The following RPTOR variants were observed in gnomAD, a reference collection of about 807,000 sequenced individuals.
RPTOR encodes the protein regulatory-associated protein of mTOR.
A neutral mutation model predicts 169.9 loss-of-function variants in RPTOR; 21 were observed. The ratio of observed to expected loss-of-function variants is 0.12; its 90% CI spans 0.09 to 0.18. The LOEUF (loss-of-function observed/expected upper bound fraction) is 0.18. Ranked by LOEUF, RPTOR falls within the 10% of genes least tolerant of loss-of-function variation. The pLI, the probability that RPTOR is intolerant of heterozygous loss-of-function variation, is 1.00. For synonymous variants in RPTOR, 732 were observed against 753.2 expected (o/e 0.97, Z 0.46); for missense variants, 1,133 against 1,855.9 (o/e 0.61, Z 7.16).
intron 1 of RPTOR, among the ~76,000 whole-genome samples, chr17:80,574,475 TTTCTTTTTGAG>T (rs1244894100): frequency 6.6e-6 from 1 of 152,010 alleles, no homozygotes. Flanking sequence ...CGGTTTTTTT[TTTCTTTTTGAG>T]TCAGTTTTGG....
intron 7 of RPTOR, among the ~76,000 whole-genome samples, chr17:80,816,673 A>G (rs530884794): frequency 1.6e-4 from 25 of 152,278 alleles, no homozygotes; most frequent in African/African-American, 5.8e-4. Flanking sequence ...AAGAAAGGCA[A>G]GGCTGGCCAG....
intron 6 of RPTOR, among the ~76,000 whole-genome samples, chr17:80,755,178 T>C (rs908800197): frequency 1.3e-5 from 2 of 152,190 alleles, no homozygotes; most frequent in African/African-American, 4.8e-5. Context: ...GGGTTCATGA[T>C]GTTGGGGTGA....
intron 1 of RPTOR, among the ~76,000 whole-genome samples, chr17:80,575,921 T>G (rs566499826): frequency 1.0e-3 from 156 of 152,346 alleles, no homozygotes; most frequent in Non-Finnish European, 1.9e-3. Flanking sequence ...GTTGTAAAAC[T>G]GTTGTATCTT....
At chr17:80,599,060 C>T (rs1209797102) in intron 1 of RPTOR, among the ~76,000 whole-genome samples, 1 of 152,130 alleles carries the variant, frequency 6.6e-6, no homozygotes, top group Non-Finnish European at 1.5e-5. Flanking sequence ...GTGTTGTCCT[C>T]ACATGGCCAC....
At chr17:80,660,696 T>C (rs565785494) in intron 3 of RPTOR, among the ~76,000 whole-genome samples, 1 of 152,274 alleles carries the variant, frequency 6.6e-6, no homozygotes, top group African/African-American at 2.4e-5. Context: ...ACACAGGCGG[T>C]CCCATCCTTC....
At chr17:80,744,161 A>T (rs1454941906) in intron 5 of RPTOR, among the ~76,000 whole-genome samples, 2 of 69,630 alleles carry the variant, frequency 2.9e-5, no homozygotes, top group African/African-American at 5.4e-5. Flanking sequence ...TTACTAGCAC[A>T]GCCCTGGTTA....
intron 28 of RPTOR, among the ~76,000 whole-genome samples, chr17:80,951,849 G>A (rs8074171): frequency 0.16 from 23,680 of 152,220 alleles, 4,915 homozygotes; most frequent in African/African-American, 0.48. Flanking sequence ...TCCTACCCGG[G>A]TACGTCGGCC....
intron 1 of RPTOR, among the ~76,000 whole-genome samples, chr17:80,554,752 A>AC (rs967788795): frequency 1.9e-5 from 2 of 105,862 alleles, no homozygotes; most frequent in Non-Finnish European, 3.6e-5. Context: ...TCAAAACAAA[A>AC]CAAAACAAAA....
chr17:80,700,723 G>GAT (rs1413044224), intron 3 of RPTOR, among the ~76,000 whole-genome samples: 5 of 111,110 alleles, frequency 4.5e-5, no homozygotes, highest in African/African-American at 6.5e-5. Context: ...TGGTGGTGGT[G>GAT]GTGGTGATGA....
At chr17:80,807,485 G>A (rs1021045647) in intron 7 of RPTOR, among the ~76,000 whole-genome samples, 16 of 151,986 alleles carry the variant, frequency 1.1e-4, no homozygotes, top group Non-Finnish European at 2.2e-4. Context: ...CAAGTAGCTG[G>A]GATTACAGGC....
chr17:80,766,062 T>A (rs2066783901), intron 6 of RPTOR, among the ~76,000 whole-genome samples: 2 of 152,202 alleles, frequency 1.3e-5, no homozygotes, highest in Non-Finnish European at 2.9e-5. Context: ...ATGTACTTTT[T>A]AAATTTTTTT....
chr17:80,855,682 T>C (rs1157919589), intron 12 of RPTOR, 135 bp downstream of exon 12: 1 of 707,140 alleles, frequency 1.4e-6, no homozygotes, highest in African/African-American at 1.7e-5. Flanking sequence ...GTGTCCACCG[T>C]GTTGGTGTCC....
chr17:80,671,327 AGAGT>A (rs1168957558), intron 3 of RPTOR, among the ~76,000 whole-genome samples: 1 of 152,078 alleles, frequency 6.6e-6, no homozygotes, highest in East Asian at 1.9e-4. Flanking sequence ...TGAGAGAGAG[AGAGT>A]GTGTTCCTGC....
chr17:80,773,930 T>C (rs2066868668), intron 6 of RPTOR: 1 of 984,154 alleles, frequency 1.0e-6, no homozygotes, highest in Non-Finnish European at 1.2e-6. Flanking sequence ...CACGCAGGGC[T>C]ATGCGGCCTG....
chr17:80,956,816 T>C (rs572761724), intron 28 of RPTOR, among the ~76,000 whole-genome samples: 34 of 152,178 alleles, frequency 2.2e-4, no homozygotes, highest in Non-Finnish European at 3.5e-4. Flanking sequence ...GGCACTGCTC[T>C]GGACAGTGGA....
intron 5 of RPTOR, among the ~76,000 whole-genome samples, chr17:80,749,080 A>G (rs28635544): frequency 0.018 from 374 of 20,716 alleles, 18 homozygotes; most frequent in Admixed American, 0.028. Context: ...GGCCGTGGCA[A>G]GAGGACCTGT....
At position 80,957,230 on chromosome 17, in the gene RPTOR, T is replaced by C. The variant is rs1264908579; in HGVS notation, c.3371-394T>C. Among the ~76,000 whole-genome samples, 2 of 6,652 alleles carry C rather than the reference T, an allele frequency of 3.0e-4. No homozygotes were observed. The highest frequency in any genetic ancestry group is 1.6e-3 in the Admixed American group (1 of 618). 4.4% of individuals were successfully genotyped at this position (6,652 alleles called of 152,430 possible). ...TGGACTTGGGAGTTCCAGCTTAGAATTGTCACCCCGGCCTGGACTTGGGAG... is the reference window on the plus strand; with the variant it reads ...TGGACTTGGGAGTTCCAGCTTAGAACTGTCACCCCGGCCTGGACTTGGGAG... On this transcript the variant is annotated intron_variant, in intron 28 of 33. Coordinates refer to ENST00000306801, the MANE Select transcript of RPTOR (RefSeq NM_020761.3). The surrounding 1 kb of genome is among the most constrained non-coding windows in gnomAD (Gnocchi z 4.6).
rs564320079 is a variant in RPTOR at position 80,825,620 on chromosome 17, A to G, written c.1136+2397A>G. On this transcript the variant is annotated intron_variant, in intron 9 of 33. Coordinates refer to ENST00000306801, the MANE Select transcript of RPTOR (RefSeq NM_020761.3). The stretch of plus-strand genomic sequence containing the variant: ...CACCTGTGCTTATCGGTTGCACTAG[A>G]GAATCATGAGGTGATGTCGCAATCC... Among the ~76,000 whole-genome samples, 4 of 152,312 alleles carry G rather than the reference A, an allele frequency of 2.6e-5. No homozygotes were observed. The South Asian group carries it at 8.3e-4, about 32-fold the overall frequency.
At chr17:80,797,337 A>G (rs1460138531) in intron 7 of RPTOR, among the ~76,000 whole-genome samples, 1 of 152,140 alleles carries the variant, frequency 6.6e-6, no homozygotes, top group Non-Finnish European at 1.5e-5. Context: ...TTGTAGAGAC[A>G]GGGTTTCTCT....
Sources: gnomAD v4.1 joint callset for allele counts (sites outside exome capture counted in the v4.1 genomes callset) on GRCh38, gnomAD v4.1.1 for gene constraint, Gnocchi (gnomAD v3.1) non-coding constraint, MANE v1.5 for transcripts, NCBI Gene and HGNC (gene_info 2026-07-23, HGNC 2026-07-21) for gene names.